The following PTPRM variants were observed in gnomAD, a reference collection of about 807,000 sequenced individuals.
PTPRM encodes protein tyrosine phosphatase receptor type M.
Under a neutral mutation model 186.7 loss-of-function variants are expected in PTPRM, and 47 were observed. That is an observed-to-expected ratio of 0.25 (90% CI 0.20 to 0.32). The LOEUF is 0.32. Among genes scored for constraint, PTPRM ranks in the 10% least tolerant of loss-of-function variants. PTPRM has a pLI of 1.00. For missense variants in PTPRM, 1,494 were observed against 1,865.0 expected (o/e 0.80, Z 3.66); for synonymous variants, 668 against 674.9 (o/e 0.99, Z 0.16).
At chr18:7,943,124 T>G (rs1331646742) in intron 5 of PTPRM, among the ~76,000 whole-genome samples, 2 of 152,142 alleles carry the variant, frequency 1.3e-5, no homozygotes, top group Admixed American at 1.3e-4. Flanking sequence ...GCCTGGTCCT[T>G]TCTTCCCCAT....
intron 1 of PTPRM, among the ~76,000 whole-genome samples, chr18:7,584,456 A>G (rs554031976): frequency 1.8e-4 from 27 of 152,300 alleles, no homozygotes; most frequent in African/African-American, 6.3e-4. Context: ...ATTTGGGTCA[A>G]ATCTCTTCAT....
At chr18:8,046,882 C>G (rs983995075) in intron 7 of PTPRM, among the ~76,000 whole-genome samples, 4 of 152,148 alleles carry the variant, frequency 2.6e-5, no homozygotes, top group Admixed American at 2.0e-4. Flanking sequence ...GCATCACCAC[C>G]TCCCCACACT....
chr18:7,686,791 T>C (rs2039612818), intron 1 of PTPRM, among the ~76,000 whole-genome samples: 1 of 152,210 alleles, frequency 6.6e-6, no homozygotes, highest in East Asian at 1.9e-4. Context: ...CATGTTCTAA[T>C]AGCATTGTAT....
intron 2 of PTPRM, among the ~76,000 whole-genome samples, chr18:7,777,236 G>C (rs1244406997): frequency 6.6e-6 from 1 of 152,196 alleles, no homozygotes; most frequent in Non-Finnish European, 1.5e-5. Context: ...ACACTTTAGA[G>C]ACCAAGAGTT....
chr18:8,208,910 T>C (rs1330040116), intron 14 of PTPRM, among the ~76,000 whole-genome samples: 1 of 152,146 alleles, frequency 6.6e-6, no homozygotes, highest in Non-Finnish European at 1.5e-5. Context: ...CAGCAGTGCA[T>C]GCAGGAGAGC....
At chr18:8,344,503 A>G (rs2095494962) in intron 23 of PTPRM, among the ~76,000 whole-genome samples, 1 of 149,058 alleles carries the variant, frequency 6.7e-6, no homozygotes, top group African/African-American at 2.5e-5. Flanking sequence ...TTAACCTGAA[A>G]ATCCCCCTAC....
chr18:7,649,152 C>T (rs1010183277), intron 1 of PTPRM, among the ~76,000 whole-genome samples: 2 of 152,192 alleles, frequency 1.3e-5, no homozygotes, highest in African/African-American at 4.8e-5. Context: ...GATGACAGCA[C>T]ATCTGTTTAC....
At chr18:7,751,288 C>A (rs1003323348) in intron 1 of PTPRM, 2 of 152,330 alleles carry the variant, frequency 1.3e-5, no homozygotes, top group Non-Finnish European at 1.5e-5. Context: ...TCGCTTTCCA[C>A]TGGACCCTCC....
intron 13 of PTPRM, among the ~76,000 whole-genome samples, chr18:8,116,543 C>T (rs1351908871): frequency 1.3e-5 from 2 of 152,174 alleles, no homozygotes; most frequent in East Asian, 3.9e-4. Flanking sequence ...GCACCTCTGG[C>T]CAGTGACAGT....
chr18:8,030,117 A>G (rs1220520736), intron 7 of PTPRM, among the ~76,000 whole-genome samples: 3 of 152,148 alleles, frequency 2.0e-5, no homozygotes, highest in Non-Finnish European at 4.4e-5. Context: ...TCTTCTCAGA[A>G]CCTTCAAGGA....
chr18:8,000,400 T>C (rs2083799149), intron 7 of PTPRM, among the ~76,000 whole-genome samples: 1 of 152,216 alleles, frequency 6.6e-6, no homozygotes, highest in South Asian at 2.1e-4. Flanking sequence ...TTTATTCCCC[T>C]CTTTTGATGT....
intron 3 of PTPRM, among the ~76,000 whole-genome samples, chr18:7,897,636 T>G (rs1015487264): frequency 2.0e-5 from 3 of 152,222 alleles, no homozygotes; most frequent in Non-Finnish European, 4.4e-5. Context: ...TGATTATTTT[T>G]TAAAACTTGC....
chr18:7,656,780 G>A (rs2038859615), intron 1 of PTPRM, among the ~76,000 whole-genome samples: 1 of 152,076 alleles, frequency 6.6e-6, no homozygotes, highest in Admixed American at 6.5e-5. Context: ...CCTATTCATG[G>A]TGGGGATTCA....
At chr18:8,293,249 C>T (rs1322594074) in intron 19 of PTPRM, among the ~76,000 whole-genome samples, 3 of 152,162 alleles carry the variant, frequency 2.0e-5, no homozygotes, top group African/African-American at 7.2e-5. Flanking sequence ...TTCTTGGTCA[C>T]CAATTAAATG....
intron 1 of PTPRM, among the ~76,000 whole-genome samples, chr18:7,610,747 A>G (rs2037652272): frequency 1.3e-5 from 2 of 152,256 alleles, no homozygotes; most frequent in Admixed American, 6.5e-5. Flanking sequence ...GTATTACACA[A>G]TTCTGTTCAG....
chr18:8,296,072 C>G (rs79814653), intron 19 of PTPRM, among the ~76,000 whole-genome samples: 5,812 of 152,264 alleles, frequency 0.038, 161 homozygotes, highest in East Asian at 0.067. Flanking sequence ...AAATATTCAG[C>G]TGAGATGGGG....
intron 13 of PTPRM, among the ~76,000 whole-genome samples, chr18:8,139,363 T>C (rs1286153102): frequency 2.6e-5 from 4 of 152,218 alleles, no homozygotes; most frequent in Non-Finnish European, 2.9e-5. Flanking sequence ...CCTGCACTGC[T>C]ACCTTCTCAC....
chr18:8,379,704 T>C (rs2095719372), intron 28 of PTPRM, among the ~76,000 whole-genome samples: 1 of 152,214 alleles, frequency 6.6e-6, no homozygotes, highest in Non-Finnish European at 1.5e-5. Context: ...GCAGTTAACA[T>C]AGGGGAAAGT....
intron 3 of PTPRM, among the ~76,000 whole-genome samples, chr18:7,904,664 T>C (rs2049882450): frequency 1.3e-5 from 2 of 152,356 alleles, no homozygotes; most frequent in African/African-American, 4.8e-5. Flanking sequence ...ATTTACAAGT[T>C]GAAGGACATC....
Sources: gnomAD v4.1 joint callset for allele counts (sites outside exome capture counted in the v4.1 genomes callset) on GRCh38, gnomAD v4.1.1 for gene constraint, MANE v1.5 for transcripts, NCBI Gene and HGNC (gene_info 2026-07-23, HGNC 2026-07-21) for gene names.